The following IGF1R variants were observed in gnomAD, a reference collection of about 807,000 sequenced individuals.
IGF1R encodes the protein insulin-like growth factor 1 receptor.
A neutral mutation model predicts 144.6 loss-of-function variants in IGF1R; 44 were observed. The observed-to-expected ratio is 0.30, with a 90% CI of 0.24 to 0.39. The LOEUF (loss-of-function observed/expected upper bound fraction) is 0.39, where lower values mean the gene tolerates loss of function less well. Ranked by LOEUF, IGF1R falls within the 10% of genes least tolerant of loss-of-function variation. The pLI, the probability that IGF1R is intolerant of heterozygous loss-of-function variation, is 1.00. For synonymous variants in IGF1R, 795 were observed against 722.8 expected, an observed-to-expected ratio of 1.10 and a Z score of -1.60; for missense variants, 1,355 against 1,833.7, an observed-to-expected ratio of 0.74 and a Z score of 4.77.
At position 98,684,225 on chromosome 15, in the gene IGF1R, A is replaced by G. The variant is rs576549642; in HGVS notation, c.95-23337A>G. ...AATTCTGTGTTATGAACAACTTGCA[A>G]TTTTCATAGTTTTCAGTTTTAGCTC... On this transcript the variant is annotated intron_variant, in intron 1 of 20. Coordinates refer to ENST00000650285, the MANE Select transcript of IGF1R (RefSeq NM_000875.5). 2.2e-4 allele frequency among the ~76,000 whole-genome samples: 33 copies of G among 151,924 alleles called. No individual in the cohort carries two copies. The South Asian group carries it at 5.4e-3, about 25-fold the overall frequency.
At chr15:98,817,350 A>G (rs2056716684) in intron 2 of IGF1R, among the ~76,000 whole-genome samples, 1 of 151,462 alleles carries the variant, frequency 6.6e-6, no homozygotes, top group South Asian at 2.1e-4. Flanking sequence ...TAGTAAGAAT[A>G]CTGGGGTGGG....
chr15:98,656,217 T>TG (rs1336539734), intron 1 of IGF1R, among the ~76,000 whole-genome samples: 11 of 152,310 alleles, frequency 7.2e-5, no homozygotes, highest in African/African-American at 2.6e-4. Flanking sequence ...CACCTGTGGA[T>TG]GGGGCCATCA....
intron 1 of IGF1R, among the ~76,000 whole-genome samples, chr15:98,690,966 CT>C (rs2053462793): frequency 6.6e-6 from 1 of 152,186 alleles, no homozygotes; most frequent in Non-Finnish European, 1.5e-5. Context: ...TTTAAATAAA[CT>C]TTTTCTTTTA....
intron 2 of IGF1R, among the ~76,000 whole-genome samples, chr15:98,709,964 C>G (rs2053954560): frequency 6.6e-6 from 1 of 152,168 alleles, no homozygotes; most frequent in Non-Finnish European, 1.5e-5. Context: ...GGCCTGCATT[C>G]TGGGTCCAAG....
At chr15:98,837,258 T>G (rs1170518406) in intron 2 of IGF1R, among the ~76,000 whole-genome samples, 1 of 152,084 alleles carries the variant, frequency 6.6e-6, no homozygotes, top group African/African-American at 2.4e-5. Flanking sequence ...TTTTTTTGTT[T>G]GGGCAGAATC....
Position 98,922,704 on chromosome 15 carries a change from A to T in IGF1R, c.2485+273A>T, listed in dbSNP as rs146187440. On this transcript the variant is annotated intron_variant, in intron 11 of 20. Coordinates refer to ENST00000650285, the MANE Select transcript of IGF1R (RefSeq NM_000875.5). ...CTGCAGGGTCCACCCTCCACCTGCT[A>T]CTTGGTGCACATCGTGCATTCCTGC... Among the ~76,000 whole-genome samples, 216 of 152,324 alleles carry T rather than the reference A, an allele frequency of 1.4e-3. 2 individuals carry two copies. The highest frequency in any genetic ancestry group is 4.8e-3 in the Admixed American group (73 of 15,304).
At chr15:98,807,923 T>G (rs1485018005) in intron 2 of IGF1R, among the ~76,000 whole-genome samples, 1 of 152,254 alleles carries the variant, frequency 6.6e-6, no homozygotes, top group Non-Finnish European at 1.5e-5. Flanking sequence ...AGTCAGAATA[T>G]CTGATCCATA....
chr15:98,693,109 C>A (rs908585044), intron 1 of IGF1R, among the ~76,000 whole-genome samples: 1 of 152,120 alleles, frequency 6.6e-6, no homozygotes, highest in Non-Finnish European at 1.5e-5. Flanking sequence ...GCTTGCAGCA[C>A]CCCCCTGACC....
intron 2 of IGF1R, among the ~76,000 whole-genome samples, chr15:98,795,057 G>C (rs148303760): frequency 6.6e-6 from 1 of 152,314 alleles, no homozygotes; most frequent in African/African-American, 2.4e-5. Context: ...CAAGGAAGAA[G>C]CCAGATTTGC....
chr15:98,815,289 C>T (rs1463363101), intron 2 of IGF1R, among the ~76,000 whole-genome samples: 1 of 152,180 alleles, frequency 6.6e-6, no homozygotes, highest in Non-Finnish European at 1.5e-5. Context: ...GGAACAATGG[C>T]TGTCTTTTTA....
At chr15:98,870,213 T>C (rs2012709848) in intron 2 of IGF1R, among the ~76,000 whole-genome samples, 1 of 152,240 alleles carries the variant, frequency 6.6e-6, no homozygotes, top group South Asian at 2.1e-4. Flanking sequence ...TCAGAACTCT[T>C]TTCATCTCGC....
chr15:98,776,491 T>G (rs1467813681), intron 2 of IGF1R, among the ~76,000 whole-genome samples: 1 of 152,224 alleles, frequency 6.6e-6, no homozygotes, highest in Non-Finnish European at 1.5e-5. Context: ...CAGCCAGATT[T>G]TATTTCTTTA....
At chr15:98,781,633 C>T (rs1045153998) in intron 2 of IGF1R, among the ~76,000 whole-genome samples, 2 of 152,102 alleles carry the variant, frequency 1.3e-5, no homozygotes, top group African/African-American at 2.4e-5. Context: ...TAACATTTAG[C>T]CTTTTTTGGT....
chr15:98,880,945 T>C (rs747003894), intron 2 of IGF1R: 1 of 152,242 alleles, frequency 6.6e-6, no homozygotes, highest in Non-Finnish European at 1.5e-5. Context: ...CAGAGCCAGT[T>C]CCACCCAAAC....
chr15:98,808,741 G>A (rs901516441), intron 2 of IGF1R, among the ~76,000 whole-genome samples: 1 of 150,292 alleles, frequency 6.7e-6, no homozygotes, highest in African/African-American at 2.5e-5. Flanking sequence ...GTGCAGTGGT[G>A]CGGTCATAGC....
At chr15:98,680,565 C>T (rs2053162489) in intron 1 of IGF1R, among the ~76,000 whole-genome samples, 1 of 151,852 alleles carries the variant, frequency 6.6e-6, no homozygotes, top group Non-Finnish European at 1.5e-5. Flanking sequence ...CGCGCCTGGC[C>T]TTTTGTTTCG....
intron 2 of IGF1R, among the ~76,000 whole-genome samples, chr15:98,885,235 C>T (rs572868918): frequency 6.6e-6 from 1 of 152,318 alleles, no homozygotes; most frequent in South Asian, 2.1e-4. Flanking sequence ...TGTAACCTAC[C>T]TGAGGCCTGA....
At chr15:98,695,038 G>A (rs1456884102) in intron 1 of IGF1R, among the ~76,000 whole-genome samples, 2 of 152,226 alleles carry the variant, frequency 1.3e-5, no homozygotes, top group Non-Finnish European at 2.9e-5. Flanking sequence ...AGGAGTTCAT[G>A]TAGTTGGGTT....
At chr15:98,718,191 CATT>C (rs1001135293) in intron 2 of IGF1R, among the ~76,000 whole-genome samples, 41 of 152,306 alleles carry the variant, frequency 2.7e-4, no homozygotes, top group African/African-American at 9.6e-4. Flanking sequence ...TGTTTCATCT[CATT>C]ATTGAACAGA....
Sources: gnomAD v4.1 joint callset for allele counts (sites outside exome capture counted in the v4.1 genomes callset) on GRCh38, gnomAD v4.1.1 for gene constraint, MANE v1.5 for transcripts, NCBI Gene and HGNC (gene_info 2026-07-23, HGNC 2026-07-21) for gene names.